XRCC4: variants seen among roughly 807,000 people sequenced by gnomAD.
XRCC4 encodes the protein DNA repair protein XRCC4.
Under a neutral mutation model 39.1 loss-of-function variants are expected in XRCC4, and 28 were observed. That is an observed-to-expected ratio of 0.72 (90% CI 0.53 to 0.98). XRCC4 has a LOEUF of 0.98. XRCC4 is among the 50% of genes least tolerant of loss of function. XRCC4 has a pLI of 0.00. For synonymous variants in XRCC4, 123 were observed against 126.4 expected, an observed-to-expected ratio of 0.97 and a Z score of 0.18; for missense variants, 350 against 376.4, an observed-to-expected ratio of 0.93 and a Z score of 0.58.
At chr5:83,141,668 G>A (rs191578613) in intron 3 of XRCC4, among the ~76,000 whole-genome samples, 1 of 148,034 alleles carries the variant, frequency 6.8e-6, no homozygotes, top group African/African-American at 2.5e-5. Flanking sequence ...TTGATCCTTT[G>A]TCCTTCAAAT....
At chr5:83,192,319 A>ATATTTTTTTT (rs3069585) in intron 3 of XRCC4, among the ~76,000 whole-genome samples, 127 of 143,494 alleles carry the variant, frequency 8.9e-4, no homozygotes, top group African/African-American at 3.1e-3. Flanking sequence ...ATATATATAT[A>ATATTTTTTTT]TTTTTTTGAG....
chr5:83,140,794 T>C (rs1748132883), intron 3 of XRCC4, among the ~76,000 whole-genome samples: 1 of 152,226 alleles, frequency 6.6e-6, no homozygotes, highest in African/African-American at 2.4e-5. Flanking sequence ...ATCTCAATTC[T>C]AGCTGGTATT....
At chr5:83,110,444 A>G (rs1358723514) in intron 2 of XRCC4, among the ~76,000 whole-genome samples, 1 of 152,012 alleles carries the variant, frequency 6.6e-6, no homozygotes, top group Non-Finnish European at 1.5e-5. Context: ...TACCTAGATA[A>G]GAGAATTGGA....
chr5:83,142,127 C>T (rs1331445650), intron 3 of XRCC4, among the ~76,000 whole-genome samples: 2 of 152,108 alleles, frequency 1.3e-5, no homozygotes, highest in Admixed American at 1.3e-4. Context: ...GTTTTAGCTG[C>T]CTGAGGTTCA....
intron 3 of XRCC4, among the ~76,000 whole-genome samples, chr5:83,191,883 T>C (rs1750711767): frequency 6.6e-6 from 1 of 152,148 alleles, no homozygotes; most frequent in Non-Finnish European, 1.5e-5. Flanking sequence ...CTTTATCAGC[T>C]GTGTGAAGAC....
intron 7 of XRCC4, among the ~76,000 whole-genome samples, chr5:83,314,399 C>T (rs554955322): frequency 6.6e-6 from 1 of 152,142 alleles, no homozygotes; most frequent in South Asian, 2.1e-4. Context: ...TTCTCTACAT[C>T]CATAATGGAA....
At chr5:83,352,390 C>T (rs1757108334) in intron 7 of XRCC4, among the ~76,000 whole-genome samples, 1 of 152,184 alleles carries the variant, frequency 6.6e-6, no homozygotes, top group South Asian at 2.1e-4. Context: ...TATTAACACA[C>T]ACTCCACAGC....
At chr5:83,195,249 T>C (rs1750890592) in intron 3 of XRCC4, among the ~76,000 whole-genome samples, 1 of 152,174 alleles carries the variant, frequency 6.6e-6, no homozygotes, top group Non-Finnish European at 1.5e-5. Context: ...TGGCAATTTA[T>C]GGTAATAAAT....
At chr5:83,198,963 C>G (rs1028251449) in intron 4 of XRCC4, among the ~76,000 whole-genome samples, 4 of 152,068 alleles carry the variant, frequency 2.6e-5, no homozygotes, top group Non-Finnish European at 5.9e-5. Context: ...CTCTCAAGTT[C>G]CATGTTACTG....
At position 83,111,128 on chromosome 5, in the gene XRCC4, A is replaced by G; in HGVS notation, c.240A>G (p.Pro80=). ...LRKALLSGAG[P]ADVYTFNFSK... is the part of the protein sequence containing the mutation. ...AAGCATTGTTGTCAGGAGCAGGACC[A>G]GCTGATGTATACACGTTTAATTTTT... Residue 80 remains proline (P), a synonymous_variant, in exon 3 of 8, where the codon CCA becomes CCG. Transcript: ENST00000396027. 3.1e-6 allele frequency: 5 copies of G among 1,611,018 alleles called. No individual in the cohort carries two copies. The highest frequency in any genetic ancestry group is 4.2e-6 in the Non-Finnish European group (5 of 1,178,648).
rs181319093 is a variant in XRCC4 at position 83,108,798 on chromosome 5, A to G, written c.140-2230A>G. ...TAAAGTTAGATAGTTACTTTTTAAC[A>G]TAATGCAAACACAAAATATGAAATT... On this transcript the variant is annotated intron_variant, in intron 2 of 7. Transcript: ENST00000396027. 4.6e-4 allele frequency among the ~76,000 whole-genome samples: 70 copies of G among 151,732 alleles called. No homozygotes were observed. The East Asian group carries it at 0.01, about 23-fold the overall frequency.
In XRCC4 at chr5:83,084,645, A is replaced by G. The variant is rs547117041; in HGVS notation, c.-11+7030A>G. Among the ~76,000 whole-genome samples, 5 of 152,308 alleles carry G rather than the reference A, an allele frequency of 3.3e-5. No homozygotes were observed. The South Asian group carries it at 1.0e-3, about 32-fold the overall frequency. On this transcript the variant is annotated intron_variant, in intron 1 of 7. Coordinates refer to ENST00000396027, the MANE Select transcript of XRCC4 (RefSeq NM_003401.5). ...AAAGATGTTGCAAAGATTTTCTTTC[A>G]GCAGTACCGAAATTTGCTCTTAAGA...
chr5:83,329,816 G>C (rs1756381950), intron 7 of XRCC4, among the ~76,000 whole-genome samples: 1 of 152,050 alleles, frequency 6.6e-6, no homozygotes, highest in African/African-American at 2.4e-5. Flanking sequence ...AAATGACTGA[G>C]GAACTAAGGA....
At chr5:83,090,532 T>C (rs1745376606) in intron 1 of XRCC4, among the ~76,000 whole-genome samples, 2 of 152,068 alleles carry the variant, frequency 1.3e-5, no homozygotes, top group South Asian at 4.1e-4. Flanking sequence ...AGTGTGAAAA[T>C]GGACTTATAA....
At chr5:83,247,261 GCCTTCATCCATATCTTAC>G (rs1419250108) in intron 6 of XRCC4, among the ~76,000 whole-genome samples, 4 of 152,154 alleles carry the variant, frequency 2.6e-5, no homozygotes, top group African/African-American at 9.7e-5. Context: ...AGATGATGAT[GCCTTCATCCATATCTTAC>G]AGCAGGGGTC....
chr5:83,144,267 C>CTGTGTGTGTGTGTGTGTGTG (rs56769195), intron 3 of XRCC4, among the ~76,000 whole-genome samples: 1 of 140,042 alleles, frequency 7.1e-6, no homozygotes, highest in Non-Finnish European at 1.5e-5. Flanking sequence ...TAATATTCCT[C>CTGTGTGTGTGTGTGTGTGTG]TGTGTGTGTG....
intron 1 of XRCC4, among the ~76,000 whole-genome samples, chr5:83,090,537 TTA>T (rs1465823466): frequency 2.6e-5 from 4 of 152,166 alleles, no homozygotes; most frequent in Admixed American, 2.6e-4. Flanking sequence ...GAAAATGGAC[TTA>T]TAAACCTCCC....
chr5:83,195,790 CCTA>C lies in XRCC4; in HGVS notation c.337_339del (p.Leu113del). On this transcript the variant is annotated inframe_deletion, in exon 4 of 8. Coordinates refer to ENST00000396027, the MANE Select transcript of XRCC4 (RefSeq NM_003401.5). ...TTTAGTTCAGACTTGGTTCCTTCAA[CCTA>C]GAGAAAGTTGAAAACCCAGCTGAAG... is the stretch of plus-strand genomic sequence containing the variant. The C allele has an allele frequency of 1.3e-6, 2 of 1,596,650 alleles. No individual in the cohort carries two copies. The highest frequency in any genetic ancestry group is 1.7e-6 in the Non-Finnish European group (2 of 1,170,088).
intron 5 of XRCC4, 56 bp from the exon 6 acceptor site, chr5:83,204,759 G>T (rs1036271873): frequency 2.3e-6 from 3 of 1,290,524 alleles, no homozygotes; most frequent in South Asian, 1.4e-5. Context: ...TGATAAATCT[G>T]CTGCCTAGCA....
Sources: gnomAD v4.1 joint callset for allele counts (sites outside exome capture counted in the v4.1 genomes callset) on GRCh38, gnomAD v4.1.1 for gene constraint, MANE v1.5 for transcripts, NCBI Gene and HGNC (gene_info 2026-07-23, HGNC 2026-07-21) for gene names.